The following ARHGAP28 variants were observed in gnomAD, a reference collection of about 807,000 sequenced individuals.
ARHGAP28 encodes the protein rho GTPase-activating protein 28.
Under a neutral mutation model 90.7 loss-of-function variants are expected in ARHGAP28, and 56 were observed. The observed-to-expected ratio is 0.62, with a 90% CI of 0.50 to 0.77. The LOEUF is 0.77. Among genes scored for constraint, ARHGAP28 ranks in the 30% least tolerant of loss-of-function variants. ARHGAP28 has a pLI of 0.00. For synonymous variants in ARHGAP28, 308 were observed against 323.3 expected, an observed-to-expected ratio of 0.95 and a Z score of 0.51; for missense variants, 869 against 900.9, an observed-to-expected ratio of 0.96 and a Z score of 0.45.
chr18:6,857,092 G>C (rs72883096), intron 4 of ARHGAP28, among the ~76,000 whole-genome samples: 6,936 of 152,188 alleles, frequency 0.046, 361 homozygotes, highest in East Asian at 0.28. Flanking sequence ...TATATAAATT[G>C]TCATTTCCCT....
At chr18:6,734,454 C>A (rs1033403086) in intron 1 of ARHGAP28, among the ~76,000 whole-genome samples, 6 of 152,088 alleles carry the variant, frequency 3.9e-5, no homozygotes, top group African/African-American at 1.4e-4. Context: ...TCCTCGAAAA[C>A]AAATATAGAA....
In ARHGAP28 at chr18:6,837,587, A is replaced by C. The variant is rs1600229895; in HGVS notation, c.543+173A>C. ...GCAAATTTTTACAAGTTTGAACTTA[A>C]GTGATCATTTCTTATCTCCTGTACT... is the stretch of plus-strand genomic sequence containing the variant. On this transcript the variant is annotated intron_variant, in intron 3 of 17. Transcript: ENST00000383472. 2.0e-5 allele frequency among the ~76,000 whole-genome samples: 3 copies of C among 152,296 alleles called. 1 individual carries two copies. Among genetic ancestry groups the C allele is most frequent in the South Asian group, 2.1e-4 (1 of 4,820 alleles).
chr18:6,834,591 A>C (rs551275607), intron 2 of ARHGAP28: 1 of 152,320 alleles, frequency 6.6e-6, no homozygotes, highest in Non-Finnish European at 1.5e-5. Flanking sequence ...GAAAGGGCTC[A>C]TTTAGTTATA....
At chr18:6,864,265 C>T (rs2143440364) in intron 5 of ARHGAP28, among the ~76,000 whole-genome samples, 1 of 152,164 alleles carries the variant, frequency 6.6e-6, no homozygotes, top group African/African-American at 2.4e-5. Flanking sequence ...TGGGTTTCAC[C>T]ATATTAGCCA....
At chr18:6,888,940 T>A (rs1261423193) in intron 12 of ARHGAP28, among the ~76,000 whole-genome samples, 6 of 152,174 alleles carry the variant, frequency 3.9e-5, no homozygotes, top group Non-Finnish European at 8.8e-5. Context: ...GCTCTGCCAC[T>A]TAAGCTGAAC....
At chr18:6,749,352 TG>T (rs1376840574) in intron 1 of ARHGAP28, among the ~76,000 whole-genome samples, 2 of 152,238 alleles carry the variant, frequency 1.3e-5, no homozygotes, top group African/African-American at 4.8e-5. Context: ...TTTGACAAAA[TG>T]CTGGACTGGA....
chr18:6,870,856 A>G lies in ARHGAP28; in HGVS notation c.954+124A>G, dbSNP rs372081254. Reference sequence around the variant, plus strand: ...GCTCTATTGCCCCAGGCTGGAGTGCAGTGGCGCGATCTCGGCTCACTGCAA... The same window carrying G: ...GCTCTATTGCCCCAGGCTGGAGTGCGGTGGCGCGATCTCGGCTCACTGCAA... On this transcript the variant is annotated intron_variant, in intron 7 of 17. Transcript: ENST00000383472. The G allele has an allele frequency of 6.4e-4, 664 of 1,034,852 alleles. 4 individuals are homozygous for G. Among genetic ancestry groups the G allele is most frequent in the South Asian group, 2.5e-3 (151 of 59,874 alleles). The allele number at this position is 1,034,852 out of a possible 1,614,324, so 64.1% of individuals were successfully genotyped here.
chr18:6,904,287 A>G (rs2057353463), intron 16 of ARHGAP28, among the ~76,000 whole-genome samples: 1 of 152,058 alleles, frequency 6.6e-6, no homozygotes, highest in East Asian at 1.9e-4. Context: ...TTAGCTACTC[A>G]GGTGGCTGAG....
At chr18:6,879,251 C>G (rs1330060427) in intron 10 of ARHGAP28, among the ~76,000 whole-genome samples, 1 of 152,184 alleles carries the variant, frequency 6.6e-6, no homozygotes, top group East Asian at 1.9e-4. Flanking sequence ...TGGAAAGAGG[C>G]AGACTGTTTG....
intron 1 of ARHGAP28, among the ~76,000 whole-genome samples, chr18:6,746,576 G>C (rs1374332574): frequency 6.6e-6 from 1 of 152,188 alleles, no homozygotes; most frequent in Non-Finnish European, 1.5e-5. Flanking sequence ...CCAGAATACA[G>C]AAAGCTGAAA....
chr18:6,889,737 A>T (rs1567983975), intron 12 of ARHGAP28, 151 bp from the exon 13 acceptor site: 9 of 683,706 alleles, frequency 1.3e-5, no homozygotes, highest in Non-Finnish European at 2.3e-5. Context: ...CAGTACTTTT[A>T]ACCAGTTAGA....
At chr18:6,847,457 A>G (rs867367997) in intron 3 of ARHGAP28, among the ~76,000 whole-genome samples, 4 of 152,138 alleles carry the variant, frequency 2.6e-5, no homozygotes, top group Non-Finnish European at 5.9e-5. Flanking sequence ...TTAGACTGGT[A>G]TGTTGCATCC....
At chr18:6,778,787 C>T (rs571478369) in intron 1 of ARHGAP28, among the ~76,000 whole-genome samples, 5 of 152,298 alleles carry the variant, frequency 3.3e-5, no homozygotes, top group Admixed American at 6.5e-5. Context: ...TTTTGAGTGA[C>T]TGTCTGGAAA....
At chr18:6,804,076 G>C (rs2056501966) in intron 1 of ARHGAP28, among the ~76,000 whole-genome samples, 1 of 152,206 alleles carries the variant, frequency 6.6e-6, no homozygotes, top group African/African-American at 2.4e-5. Flanking sequence ...ACCACAACCA[G>C]CCTCTTGGTA....
In ARHGAP28 at chr18:6,827,578, G is replaced by A. The variant is rs1299817490; in HGVS notation, c.325+2614G>A. Among the ~76,000 whole-genome samples, 5 of 145,478 alleles carry A rather than the reference G, an allele frequency of 3.4e-5. No individual in the cohort carries two copies. The East Asian group carries it at 6.4e-4, about 19-fold the overall frequency. ...ACCTCCCTCCCGGACGGGGCGACTGGCTGGGTGGGGGGCTGACCCCCACCT... is the reference window on the plus strand; with the variant it reads ...ACCTCCCTCCCGGACGGGGCGACTGACTGGGTGGGGGGCTGACCCCCACCT... On this transcript the variant is annotated intron_variant, in intron 2 of 17. Transcript: ENST00000383472.
At chr18:6,889,575 G>T (rs1349621666) in intron 12 of ARHGAP28, among the ~76,000 whole-genome samples, 3 of 152,140 alleles carry the variant, frequency 2.0e-5, no homozygotes, top group Non-Finnish European at 4.4e-5. Context: ...TCTCTTCCCA[G>T]TTTATATTTA....
chr18:6,894,714 A>G, intron 14 of ARHGAP28, 121 bp from the exon 15 acceptor site: 4 of 760,224 alleles, frequency 5.3e-6, no homozygotes, highest in South Asian at 5.0e-5. Flanking sequence ...GTGCATATAC[A>G]TTTTATAATT....
chr18:6,802,381 T>C (rs2056488741), intron 1 of ARHGAP28, among the ~76,000 whole-genome samples: 1 of 137,630 alleles, frequency 7.3e-6, no homozygotes, highest in Non-Finnish European at 1.5e-5. Context: ...AGTCTCACTC[T>C]GTTGCCCAGG....
At chr18:6,876,289 TTTG>T in intron 10 of ARHGAP28, 81 bp downstream of exon 10, 1 of 1,039,216 alleles carries the variant, frequency 9.6e-7, no homozygotes, top group Non-Finnish European at 1.5e-6. Context: ...GATCCAGATA[TTTG>T]TTGTTGTTTA....
Sources: allele counts gnomAD v4.1 joint callset (sites outside exome capture counted in the v4.1 genomes callset), GRCh38; gene constraint gnomAD v4.1.1; transcripts MANE v1.5; gene names NCBI Gene and HGNC (gene_info 2026-07-23, HGNC 2026-07-21).